The following STK33 variants were observed in gnomAD, a reference collection of about 807,000 sequenced individuals.
The protein encoded by STK33 is serine/threonine kinase 33.
Under a neutral mutation model 58.0 loss-of-function variants are expected in STK33, and 52 were observed. The ratio of observed to expected loss-of-function variants is 0.90; its 90% CI spans 0.72 to 1.13. STK33 has a LOEUF of 1.13. Ranked by LOEUF, STK33 falls within the 50% of genes most tolerant of loss-of-function variation. The pLI is 0.00. For synonymous variants in STK33, 215 were observed against 200.1 expected, an observed-to-expected ratio of 1.07 and a Z score of -0.63; for missense variants, 630 against 604.2, an observed-to-expected ratio of 1.04 and a Z score of -0.45.
At chr11:8,426,251 C>G (rs1383601622) in intron 14 of STK33, among the ~76,000 whole-genome samples, 3 of 152,220 alleles carry the variant, frequency 2.0e-5, no homozygotes, top group East Asian at 1.9e-4. Context: ...AGCCTGGGCT[C>G]TCCTCCAACT....
chr11:8,487,890 C>T (rs907661665), intron 1 of STK33, among the ~76,000 whole-genome samples: 2 of 152,182 alleles, frequency 1.3e-5, no homozygotes, highest in Admixed American at 6.5e-5. Flanking sequence ...AAAAAGCATG[C>T]ATGTGTGAAT....
In STK33 at chr11:8,526,912, T is replaced by C. The variant is rs555920722; in HGVS notation, c.-465-46298A>G. ...AAAAAAAGGTAAAACTAGAGACACA[T>C]ACCTAGATGGAAAAAAGAAAACAGG... On this transcript the variant is annotated intron_variant, in intron 1 of 15. Coordinates refer to ENST00000687296, the MANE Select transcript of STK33 (RefSeq NM_001352389.2). Among the ~76,000 whole-genome samples, 21 of 145,842 alleles carry C rather than the reference T, an allele frequency of 1.4e-4. No individual in the cohort carries two copies. The East Asian group carries it at 3.6e-3, about 25-fold the overall frequency.
At chr11:8,554,296 G>GTA (rs34068800) in intron 1 of STK33, among the ~76,000 whole-genome samples, 12,293 of 151,604 alleles carry the variant, frequency 0.081, 1,124 homozygotes, top group African/African-American at 0.23. Flanking sequence ...GCATGCACCT[G>GTA]TAGTCCCAGC....
intron 11 of STK33, among the ~76,000 whole-genome samples, chr11:8,445,893 A>G (rs1369141606): frequency 6.6e-6 from 1 of 152,228 alleles, no homozygotes; most frequent in Non-Finnish European, 1.5e-5. Context: ...TGCTGGCCTC[A>G]TAAAATGAGT....
At chr11:8,515,570 T>C (rs912188734) in intron 1 of STK33, among the ~76,000 whole-genome samples, 4 of 152,118 alleles carry the variant, frequency 2.6e-5, no homozygotes, top group African/African-American at 9.7e-5. Context: ...TGAATACAGA[T>C]GTAAAAATTC....
chr11:8,537,833 AT>A (rs202240169), intron 1 of STK33, among the ~76,000 whole-genome samples: 2,062 of 151,076 alleles, frequency 0.014, 42 homozygotes, highest in African/African-American at 0.047. Context: ...AATTAAAAAA[AT>A]AATAAAAAAT....
intron 6 of STK33, chr11:8,465,385 T>C (rs1948056851): frequency 1.3e-5 from 2 of 150,528 alleles, no homozygotes; most frequent in South Asian, 4.2e-4. Flanking sequence ...AGATCAGCAC[T>C]GAGAAAAAAA....
At chr11:8,454,862 G>A (rs1946662429) in intron 9 of STK33, 30 bp from the exon 10 acceptor site, 1 of 1,498,842 alleles carries the variant, frequency 6.7e-7, no homozygotes, top group African/African-American at 1.4e-5. Context: ...CAAATCAAAT[G>A]AAATGAATAA....
At chr11:8,404,010 T>G (rs983886835) in intron 15 of STK33, among the ~76,000 whole-genome samples, 2 of 152,224 alleles carry the variant, frequency 1.3e-5, no homozygotes, top group African/African-American at 4.8e-5. Flanking sequence ...AGTCACACAT[T>G]CAAATTATAG....
At chr11:8,569,467 G>T (rs771476705) in intron 1 of STK33, among the ~76,000 whole-genome samples, 2 of 152,158 alleles carry the variant, frequency 1.3e-5, no homozygotes, top group Non-Finnish European at 2.9e-5. Context: ...ACATTAACTT[G>T]AAATAGATCA....
chr11:8,336,542 AG>A, the STK33 span, among the ~76,000 whole-genome samples: 1 of 152,234 alleles, frequency 6.6e-6, no homozygotes, highest in Non-Finnish European at 1.5e-5. Context: ...TTTTCCTGTC[AG>A]GTGAACAGCC....
chr11:8,416,988 T>C (rs1941230239), intron 14 of STK33, among the ~76,000 whole-genome samples: 1 of 152,126 alleles, frequency 6.6e-6, no homozygotes, highest in African/African-American at 2.4e-5. Context: ...TAACCAATAA[T>C]AAGTGGTCCA....
intron 1 of STK33, among the ~76,000 whole-genome samples, chr11:8,574,959 C>CA (rs1214709409): frequency 6.6e-6 from 1 of 151,938 alleles, no homozygotes; most frequent in Non-Finnish European, 1.5e-5. Flanking sequence ...GCAGGAGGAT[C>CA]ACTTGAGCCC....
In STK33 at chr11:8,583,398, T is replaced by C. The variant is rs548531954; in HGVS notation, c.-466+10685A>G. ...TTCCACAAATTATTGATAACATTAC[T>C]CATGAGAAAGCAGATATGTAGGAAA... is the stretch of plus-strand genomic sequence containing the variant. On this transcript the variant is annotated intron_variant, in intron 1 of 15. Transcript: ENST00000687296. Among the ~76,000 whole-genome samples the C allele has an allele frequency of 1.4e-4, 22 of 152,296 alleles. No homozygotes were observed. The Middle Eastern group carries it at 0.01, about 71-fold the overall frequency.
Position 8,455,810 on chromosome 11 carries a change from C to CAAAAAAAA in STK33, c.698-986_698-979dup, listed in dbSNP as rs1156835375. Among the ~76,000 whole-genome samples, 198 of 47,116 alleles carry CAAAAAAAA rather than the reference C, an allele frequency of 4.2e-3. 10 individuals are homozygous for CAAAAAAAA. Among genetic ancestry groups the CAAAAAAAA allele is most frequent in the Non-Finnish European group, 6.4e-3 (164 of 25,740 alleles). 30.9% of individuals were successfully genotyped at this position (47,116 alleles called of 152,430 possible). On this transcript the variant is annotated intron_variant, in intron 9 of 15. Transcript: ENST00000687296. ...TGGGTAACAGAGAGAGACTCTGTCT[C>CAAAAAAAA]AAAAAAAAAAAAAAAAAAAAAAAAA...
chr11:8,554,190 C>A (rs780421017), intron 1 of STK33, among the ~76,000 whole-genome samples: 1 of 152,022 alleles, frequency 6.6e-6, no homozygotes, highest in African/African-American at 2.4e-5. Context: ...GAGGGTGAGG[C>A]AGGTGGACTA....
the STK33 span, among the ~76,000 whole-genome samples, chr11:8,376,986 G>C: frequency 6.6e-6 from 1 of 152,130 alleles, no homozygotes; most frequent in African/African-American, 2.4e-5. Context: ...TAACCTCCCA[G>C]CTTCAGAAGC....
chr11:8,483,557 T>C (rs1422595654), intron 1 of STK33, among the ~76,000 whole-genome samples: 1 of 152,114 alleles, frequency 6.6e-6, no homozygotes, highest in Non-Finnish European at 1.5e-5. Context: ...AGACACAGGT[T>C]TTAGTGAACA....
chr11:8,487,548 A>C (rs910184811), intron 1 of STK33, among the ~76,000 whole-genome samples: 15 of 152,256 alleles, frequency 9.9e-5, no homozygotes, highest in African/African-American at 3.4e-4. Flanking sequence ...AAGAGAACCA[A>C]GAAAAGAATT....
Sources: gnomAD v4.1 joint callset for allele counts (sites outside exome capture counted in the v4.1 genomes callset) on GRCh38, gnomAD v4.1.1 for gene constraint, MANE v1.5 for transcripts, NCBI Gene and HGNC (gene_info 2026-07-23, HGNC 2026-07-21) for gene names.